Variants in ZC3H13 observed in about 807,000 individuals in gnomAD.
ZC3H13 encodes zinc finger CCCH-type containing 13.
A neutral mutation model predicts 204.1 loss-of-function variants in ZC3H13; 64 were observed. That is an observed-to-expected ratio of 0.31 (90% CI 0.26 to 0.39). ZC3H13 has a LOEUF of 0.39. Ranked by LOEUF, ZC3H13 falls within the 10% of genes least tolerant of loss-of-function variation. ZC3H13 has a pLI of 1.00. For missense variants in ZC3H13, 1,833 were observed against 2,082.7 expected (o/e 0.88, Z 2.33); for synonymous variants, 667 against 693.7 (o/e 0.96, Z 0.60).
At chr13:45,996,117 C>A (rs1294900709) in intron 8 of ZC3H13, among the ~76,000 whole-genome samples, 1 of 152,068 alleles carries the variant, frequency 6.6e-6, no homozygotes, top group African/African-American at 2.4e-5. Context: ...GTGTTTAAAC[C>A]CTTGTTCCTA....
intron 10 of ZC3H13, among the ~76,000 whole-genome samples, chr13:45,980,276 C>A (rs1252983543): frequency 2.6e-5 from 4 of 151,480 alleles, no homozygotes; most frequent in African/African-American, 4.9e-5. Flanking sequence ...ATTAACCTGT[C>A]CCCCCAAAAA....
chr13:45,991,896 AAAGTT>A (rs1566228025), intron 8 of ZC3H13, among the ~76,000 whole-genome samples: 1 of 152,196 alleles, frequency 6.6e-6, no homozygotes, highest in Non-Finnish European at 1.5e-5. Flanking sequence ...AAAAATGTGA[AAAGTT>A]AAGAAATTTA....
At chr13:45,975,932 G>A in intron 11 of ZC3H13, 94 bp from the exon 12 acceptor site, 1 of 1,468,618 alleles carries the variant, frequency 6.8e-7, no homozygotes, top group Non-Finnish European at 9.0e-7. Flanking sequence ...CTGTGATAGG[G>A]TCACACTGGC....
At chr13:45,988,108 G>A (rs984523202) in intron 9 of ZC3H13, among the ~76,000 whole-genome samples, 3 of 152,068 alleles carry the variant, frequency 2.0e-5, no homozygotes, top group East Asian at 1.9e-4. Context: ...TTCAAACTAC[G>A]CTCTCTGATT....
At chr13:45,967,400 T>A in intron 15 of ZC3H13, 104 bp downstream of exon 15, 4 of 1,291,666 alleles carry the variant, frequency 3.1e-6, no homozygotes, top group African/African-American at 3.0e-5. Flanking sequence ...GAGAATGGAG[T>A]CAATTTGCCC....
chr13:45,979,604 C>A (rs1263345249), intron 11 of ZC3H13, among the ~76,000 whole-genome samples: 1 of 152,072 alleles, frequency 6.6e-6, no homozygotes, highest in Non-Finnish European at 1.5e-5. Flanking sequence ...CACTTTGTTG[C>A]CAGTAGGTAC....
intron 5 of ZC3H13, among the ~76,000 whole-genome samples, chr13:46,016,174 G>C (rs963330854): frequency 6.6e-6 from 1 of 152,090 alleles, no homozygotes; most frequent in Non-Finnish European, 1.5e-5. Flanking sequence ...ATCTACTAAA[G>C]AGGAACACAT....
chr13:46,032,362 C>CAAAAAAAA (rs11323386), intron 4 of ZC3H13, among the ~76,000 whole-genome samples: 5 of 99,632 alleles, frequency 5.0e-5, no homozygotes, highest in Admixed American at 1.0e-4. Context: ...AGAAAAAGAC[C>CAAAAAAAA]AAAAAAAAAA....
In ZC3H13 at chr13:46,034,838, G is replaced by T. The variant is rs1312864541; in HGVS notation, c.339+7326C>A. Among the ~76,000 whole-genome samples the T allele has an allele frequency of 2.6e-5, 4 of 152,192 alleles. No individual in the cohort carries two copies. In the East Asian group the frequency reaches 5.8e-4, roughly 22 times the overall value. On this transcript the variant is annotated intron_variant, in intron 4 of 18. Coordinates refer to ENST00000679008, the MANE Select transcript of ZC3H13 (RefSeq NM_001330564.2). ...CTGGGCATAAAAATACTAATAGTGG[G>T]AATGGATTACAGTTAGAGAAATCAG... is the stretch of plus-strand genomic sequence containing the variant.
At chr13:45,998,620 G>C (rs2040512306) in intron 8 of ZC3H13, among the ~76,000 whole-genome samples, 1 of 151,580 alleles carries the variant, frequency 6.6e-6, no homozygotes, top group Non-Finnish European at 1.5e-5. Flanking sequence ...CTGCACTCCA[G>C]CCTGGGTGAC....
chr13:46,035,228 A>G (rs926439182), intron 4 of ZC3H13, among the ~76,000 whole-genome samples: 15 of 152,220 alleles, frequency 9.9e-5, no homozygotes, highest in Non-Finnish European at 2.1e-4. Flanking sequence ...ATCGACTGCC[A>G]AACAGGTGAG....
intron 4 of ZC3H13, among the ~76,000 whole-genome samples, chr13:46,040,771 T>C (rs1166934451): frequency 6.6e-6 from 1 of 152,144 alleles, no homozygotes; most frequent in Non-Finnish European, 1.5e-5. Context: ...GACAACTCGA[T>C]TTTTAAAATG....
chr13:45,978,323 A>T (rs1263437941), intron 11 of ZC3H13, among the ~76,000 whole-genome samples: 1 of 152,064 alleles, frequency 6.6e-6, no homozygotes, highest in Non-Finnish European at 1.5e-5. Flanking sequence ...GTACTCAACA[A>T]ATATTTGTAA....
At position 46,008,716 on chromosome 13, in the gene ZC3H13, C is replaced by A. The variant is rs139306215; in HGVS notation, c.746+1632G>T. ...ATAGAATTGAGGGAAAGTTACATAG[C>A]TGGTTAGCCAAGAGGATAAGAGCAA... On this transcript the variant is annotated intron_variant, in intron 7 of 18. Coordinates refer to ENST00000679008, the MANE Select transcript of ZC3H13 (RefSeq NM_001330564.2). Among the ~76,000 whole-genome samples, 440 of 152,182 alleles carry A rather than the reference C, an allele frequency of 2.9e-3. 2 individuals carry two copies. The highest frequency in any genetic ancestry group is 5.0e-3 in the Non-Finnish European group (342 of 67,958).
In ZC3H13 at chr13:46,045,000, T is replaced by C; in HGVS notation, c.182A>G (p.His61Arg). Residue 61 changes from histidine (H) to arginine (R), a missense_variant, in exon 3 of 19, where the codon CAT becomes CGT. By Grantham distance (29) the His-to-Arg change is conservative. Transcript: ENST00000679008. Reference protein sequence around the residue: ...CLYGNTCRFVHGPSPRGKGYS... With the variant: ...CLYGNTCRFVRGPSPRGKGYS... ...ACCTTTACCACGAGGTGAAGGGCCA[T>C]GTACGAATCTACATGTGTTTCCATA... is the stretch of plus-strand genomic sequence containing the variant. 6.2e-7 allele frequency: 1 copy of C among 1,613,716 alleles called. No homozygotes were observed. The highest frequency in any genetic ancestry group is 1.3e-5 in the African/African-American group (1 of 75,030).
chr13:45,975,386 C>A lies in ZC3H13; in HGVS notation c.2365G>T (p.Asp789Tyr). Residue 789 changes from aspartate to tyrosine, a missense_variant, in exon 12 of 19, where the codon GAT becomes TAT. Asp to Tyr is a radical substitution (Grantham distance 160). Transcript: ENST00000679008. ...ERDKERERQR[D>Y]WEDKDKGRDD... is the part of the protein sequence containing the mutation. The stretch of plus-strand genomic sequence containing the variant: ...CGTCCTTTGTCTTTGTCTTCCCAAT[C>A]CCTTTGGCGTTCTCGTTCTTTATCC... The A allele has an allele frequency of 6.2e-7, 1 of 1,614,036 alleles. No individual in the cohort carries two copies. The highest frequency in any genetic ancestry group is 8.5e-7 in the Non-Finnish European group (1 of 1,180,002).
intron 10 of ZC3H13, among the ~76,000 whole-genome samples, chr13:45,981,819 G>C (rs1162188423): frequency 4.7e-5 from 7 of 148,954 alleles, no homozygotes; most frequent in Non-Finnish European, 8.9e-5. Flanking sequence ...ATTGAACAAT[G>C]AGAACACATG....
chr13:46,026,145 T>C (rs1286515540), intron 4 of ZC3H13, among the ~76,000 whole-genome samples: 1 of 152,054 alleles, frequency 6.6e-6, no homozygotes, highest in Admixed American at 6.5e-5. Context: ...AATACCCAAA[T>C]AGGATTATTG....
intron 18 of ZC3H13, among the ~76,000 whole-genome samples, chr13:45,958,875 CG>C (rs1440525450): frequency 1.3e-5 from 2 of 152,016 alleles, no homozygotes; most frequent in Non-Finnish European, 2.9e-5. Flanking sequence ...AGGATGGTCT[CG>C]ATCTCCTGAC....
Sources: gnomAD v4.1 joint callset for allele counts (sites outside exome capture counted in the v4.1 genomes callset) on GRCh38, gnomAD v4.1.1 for gene constraint, MANE v1.5 for transcripts, NCBI Gene and HGNC (gene_info 2026-07-23, HGNC 2026-07-21) for gene names.